Variants in ACP5 observed in about 807,000 individuals in gnomAD.
The protein encoded by ACP5 is acid phosphatase 5, tartrate resistant, also known as tartrate-resistant acid phosphatase type 5.
ACP5 carries 24 observed loss-of-function variants against 28.7 expected under a neutral mutation model. That is an observed-to-expected ratio of 0.84 (90% CI 0.61 to 1.18). The LOEUF (loss-of-function observed/expected upper bound fraction) is 1.18, where lower values mean the gene tolerates loss of function less well. Ranked by LOEUF, ACP5 falls within the 50% of genes most tolerant of loss-of-function variation. ACP5 has a pLI of 0.00. For missense variants in ACP5, 354 were observed against 422.2 expected, an observed-to-expected ratio of 0.84 and a Z score of 1.42; for synonymous variants, 154 against 181.4, an observed-to-expected ratio of 0.85 and a Z score of 1.21.
At position 11,576,228 on chromosome 19, in the gene ACP5, C is replaced by T. The variant is rs1230288363; in HGVS notation, c.735+15G>A. ...CCCCCTCACCCAGCTCCCACCCCACCCACAGGGCCCTCACCTGCAGATTGT... is the reference window on the plus strand; with the variant it reads ...CCCCCTCACCCAGCTCCCACCCCACTCACAGGGCCCTCACCTGCAGATTGT... On this transcript the variant is annotated intron_variant, in intron 4 of 4. Transcript: ENST00000648477. 5.6e-6 allele frequency: 9 copies of T among 1,601,232 alleles called. No individual in the cohort carries two copies. Among genetic ancestry groups the T allele is most frequent in the Non-Finnish European group, 7.6e-6 (9 of 1,179,422 alleles).
chr19:11,576,006 C>CAAAAAAAAAAA (rs3035420), intron 4 of ACP5, among the ~76,000 whole-genome samples: 24 of 52,814 alleles, frequency 4.5e-4, no homozygotes, highest in African/African-American at 8.3e-4. Context: ...ACCTTGTCTC[C>CAAAAAAAAAAA]AAAAAAAAAA....
At chr19:11,575,357 T>C in intron 4 of ACP5, 105 bp from the exon 5 acceptor site, 2 of 1,386,236 alleles carry the variant, frequency 1.4e-6, no homozygotes, top group Non-Finnish European at 2.0e-6. Context: ...CCTTGAGGTA[T>C]GTAACCCCTC....
chr19:11,577,794 TG>T (rs1973230124), upstream of ACP5: 1 of 213,810 alleles, frequency 4.7e-6, no homozygotes, highest in East Asian at 1.1e-4. This position sits in a 1 kb window ranked among gnomAD's most constrained non-coding sequence, Gnocchi z 5.7. Flanking sequence ...GACACGGGAT[TG>T]GGGTGGGGGT....
At position 11,577,504 on chromosome 19, in the gene ACP5, G is replaced by T; in HGVS notation, c.-1+89C>A. ...GCTGCACAAGCTGGCTTAGGGAAGGGGGGCGCGGTCTGTGAGAGGGCGAGC... is the reference window on the plus strand; with the variant it reads ...GCTGCACAAGCTGGCTTAGGGAAGGTGGGCGCGGTCTGTGAGAGGGCGAGC... On this transcript the variant is annotated intron_variant, in intron 1 of 4. Transcript: ENST00000648477. This position sits in a 1 kb window ranked among gnomAD's most constrained non-coding sequence, Gnocchi z 5.7. 1 of 700,196 alleles carries T rather than the reference G, an allele frequency of 1.4e-6. No homozygotes were observed. 43.4% of individuals were successfully genotyped at this position (700,196 alleles called of 1,614,324 possible).
chr19:11,575,079 A>G lies in ACP5; in HGVS notation c.909T>C (p.Thr303=), dbSNP rs2145081214. The G allele has an allele frequency of 6.2e-7, 1 of 1,614,182 alleles. No individual in the cohort carries two copies. Among genetic ancestry groups the G allele is most frequent in the South Asian group, 1.1e-5 (1 of 91,090 alleles). ...AYVEISSKEM[T]VTYIEASGKS... ...TGCCCGAGGCCTCGATGTAAGTGAC[A>G]GTCATCTCTTTGGAGCTGATCTCCA... Residue 303 remains threonine, a synonymous_variant, in exon 5 of 5, where the codon ACT becomes ACC. Coordinates refer to ENST00000648477, the MANE Select transcript of ACP5 (RefSeq NM_001611.5).
In ACP5 at chr19:11,577,606, C is replaced by A. The variant is rs1396030389; in HGVS notation, c.-14G>T. 8 of 533,682 alleles carry A rather than the reference C, an allele frequency of 1.5e-5. No individual in the cohort carries two copies. Among genetic ancestry groups the A allele is most frequent in the Non-Finnish European group, 2.7e-5 (8 of 294,226 alleles). 33.1% of individuals were successfully genotyped at this position (533,682 alleles called of 1,614,324 possible). A position where few individuals can be genotyped will look rare whatever the true frequency, so the allele number is the denominator to read the frequency against. ...CCCAGCACTCACCCAGGGGGAGACA[C>A]AGGCCAGTCACCGGAGGCTCTGAGA... On this transcript the variant is annotated 5_prime_UTR_variant, in exon 1 of 5. Transcript: ENST00000648477. This position sits in a 1 kb window ranked among gnomAD's most constrained non-coding sequence, Gnocchi z 5.7.
chr19:11,577,479 G>A lies in ACP5; in HGVS notation c.-1+114C>T, dbSNP rs1973216465. On this transcript the variant is annotated intron_variant, in intron 1 of 4. Transcript: ENST00000648477. This position sits in a 1 kb window ranked among gnomAD's most constrained non-coding sequence, Gnocchi z 5.7. ...TCTCAGGACACACAAGCTGCACAAG[G>A]CTGCACAAGCTGGCTTAGGGAAGGG... 3 of 815,552 alleles carry A rather than the reference G, an allele frequency of 3.7e-6. No homozygotes were observed. The highest frequency in any genetic ancestry group is 1.5e-5 in the South Asian group (1 of 64,938). 50.5% of individuals were successfully genotyped at this position (815,552 alleles called of 1,614,324 possible).
Position 11,576,858 on chromosome 19 carries a change from T to C in ACP5, c.262-15A>G, listed in dbSNP as rs200250079. On this transcript the variant is annotated splice_polypyrimidine_tract_variant and intron_variant, in intron 2 of 4. Coordinates refer to ENST00000648477, the MANE Select transcript of ACP5 (RefSeq NM_001611.5). ...TCAAAGGTCTCCTGTAGCAAACAGA[T>C]AGGGCAGGCCTCTTCCCTGGGGTCA... 1.5e-5 allele frequency: 25 copies of C among 1,613,816 alleles called. No homozygotes were observed. The highest frequency in any genetic ancestry group is 1.9e-5 in the Non-Finnish European group (22 of 1,179,984).
chr19:11,574,909 G>T lies in ACP5; in HGVS notation c.*101C>A. 1.4e-6 allele frequency: 2 copies of T among 1,394,406 alleles called. No individual in the cohort carries two copies. Among genetic ancestry groups the T allele is most frequent in the Non-Finnish European group, 2.0e-6 (2 of 989,456 alleles). 86.4% of individuals were successfully genotyped at this position (1,394,406 alleles called of 1,614,324 possible). ...TTTCCCCTTCCTGCCCTGCTGCAGC[G>T]CCACAGGTTGGAGGAAAAGCCTGCC... On this transcript the variant is annotated 3_prime_UTR_variant, in exon 5 of 5. Coordinates refer to ENST00000648477, the MANE Select transcript of ACP5 (RefSeq NM_001611.5).
At position 11,576,299 on chromosome 19, in the gene ACP5, G is replaced by T. The variant is rs1234120250; in HGVS notation, c.679C>A (p.Leu227Met). The T allele has an allele frequency of 6.2e-7, 1 of 1,611,156 alleles. No individual in the cohort carries two copies. Among genetic ancestry groups the T allele is most frequent in the Non-Finnish European group, 8.5e-7 (1 of 1,179,980 alleles). The part of the protein sequence containing the change: ...THCLVKQLRP[L>M]LATYGVTAYL... The stretch of plus-strand genomic sequence containing the variant: ...GCAGTGACCCCGTATGTGGCCAGCA[G>T]TGGCCGTAGCTGCTTGACCAGGCAG... Residue 227 changes from leucine (L) to methionine (M), a missense_variant, in exon 4 of 5, where the codon CTG becomes ATG. Physicochemically the swap from Leu to Met is conservative, Grantham distance 15. Transcript: ENST00000648477.
Position 11,575,139 on chromosome 19 carries a change from A to T in ACP5, c.849T>A (p.Tyr283Ter), listed in dbSNP as rs1279125806. 2 of 1,614,186 alleles carry T rather than the reference A, an allele frequency of 1.2e-6. No individual in the cohort carries two copies. The highest frequency in any genetic ancestry group is 2.2e-5 in the South Asian group (2 of 91,088). Residue 283 changes from tyrosine to a stop codon, truncating the protein, a stop_gained, in exon 5 of 5, where the codon TAT (tyrosine) becomes TAA (stop). Transcript: ENST00000648477. LOFTEE classifies it high-confidence loss of function. ...KVPNGYLRFH[Y>*]GTEDSLGGFA... The stretch of plus-strand genomic sequence containing the variant: ...AGCCACCCAGTGAGTCTTCAGTCCC[A>T]TAGTGGAAGCGCAGATAGCCGTTGG...
At chr19:11,575,282 G>T in intron 4 of ACP5, 30 bp from the exon 5 acceptor site, 1 of 1,612,846 alleles carries the variant, frequency 6.2e-7, no homozygotes, top group Non-Finnish European at 8.5e-7. Context: ...GGTCAGTGGA[G>T]ACCCAGCTTT....
chr19:11,577,084 C>T lies in ACP5; in HGVS notation c.234G>A (p.Val78=). 1 of 1,614,138 alleles carries T rather than the reference C, an allele frequency of 6.2e-7. No individual in the cohort carries two copies. The highest frequency in any genetic ancestry group is 8.5e-7 in the Non-Finnish European group (1 of 1,180,008). Residue 78 remains valine (V), a synonymous_variant, in exon 2 of 5, where the codon GTG becomes GTA. Transcript: ENST00000648477. The surrounding 1 kb of genome is among the most constrained non-coding windows in gnomAD (Gnocchi z 5.7). ...SLGDNFYFTG[V]QDINDKRFQE... ...GGAACCTCTTGTCATTGATGTCTTG[C>T]ACACCAGTGAAGTAAAAATTGTCCC...
rs1973215114 is a variant in ACP5, at chr19:11,577,447, C to T, written c.1-130G>A. On this transcript the variant is annotated intron_variant, in intron 1 of 4. Transcript: ENST00000648477. This position sits in a 1 kb window ranked among gnomAD's most constrained non-coding sequence, Gnocchi z 5.7. The stretch of plus-strand genomic sequence containing the variant: ...CTGCCCCTGCGGGAACCCCTTGGTG[C>T]CCTAATTCTCAGGACACACAAGCTG... The T allele has an allele frequency of 9.5e-7, 1 of 1,058,148 alleles. No homozygotes were observed. 65.5% of individuals were successfully genotyped at this position (1,058,148 alleles called of 1,614,324 possible).
At position 11,574,850 on chromosome 19, in the gene ACP5, A is replaced by G; in HGVS notation, c.*160T>C. On this transcript the variant is annotated 3_prime_UTR_variant, in exon 5 of 5. Transcript: ENST00000648477. ...TCACATACGTGGGCATCTGTGCCAC[A>G]AGGGTCATGTGGCACCACAGTTCAT... 6 of 762,880 alleles carry G rather than the reference A, an allele frequency of 7.9e-6. No homozygotes were observed. The highest frequency in any genetic ancestry group is 1.3e-5 in the Non-Finnish European group (6 of 459,360). The allele number at this position is 762,880 out of a possible 1,614,324, so 47.3% of individuals were successfully genotyped here.
chr19:11,577,344 G>A lies in ACP5; in HGVS notation c.1-27C>T, dbSNP rs1973209680. On this transcript the variant is annotated intron_variant, in intron 1 of 4. Coordinates refer to ENST00000648477, the MANE Select transcript of ACP5 (RefSeq NM_001611.5). This position sits in a 1 kb window ranked among gnomAD's most constrained non-coding sequence, Gnocchi z 5.7. ...TGGGAGAAGAGAGACAAGCATAGGTGGCCCGGGCTGTGACAAGGGCAGGGA... is the reference window on the plus strand; with the variant it reads ...TGGGAGAAGAGAGACAAGCATAGGTAGCCCGGGCTGTGACAAGGGCAGGGA... 2.5e-6 allele frequency: 4 copies of A among 1,609,368 alleles called. No individual in the cohort carries two copies. The South Asian group carries it at 4.4e-5, about 18-fold the overall frequency.
Position 11,576,433 on chromosome 19 carries a change from C to T in ACP5, c.545G>A (p.Arg182His), listed in dbSNP as rs778805198. The change falls in exon 4 of 5, where the codon CGC becomes CAC. Residue 182 changes from arginine (R) to histidine (H), a missense_variant. Arg to His is a conservative substitution (Grantham distance 29, BLOSUM62 0). Coordinates refer to ENST00000648477, the MANE Select transcript of ACP5 (RefSeq NM_001611.5). Reference protein sequence around the residue: ...PERPRDVKLARTQLSWLKKQL... With the variant: ...PERPRDVKLAHTQLSWLKKQL... ...TTTCTTGAGCCAGGACAGCTGTGTGCGGGCCAGCTTCACGTCTCGGGGCCT... is the reference window on the plus strand; with the variant it reads ...TTTCTTGAGCCAGGACAGCTGTGTGTGGGCCAGCTTCACGTCTCGGGGCCT... The T allele has an allele frequency of 4.0e-5, 65 of 1,613,840 alleles. No homozygotes were observed. Among genetic ancestry groups the T allele is most frequent in the Non-Finnish European group, 4.8e-5 (57 of 1,179,986 alleles).
rs775336126 is a variant in ACP5 at position 11,576,367 on chromosome 19, C to T, written c.611G>A (p.Gly204Asp). 1.9e-6 allele frequency: 3 copies of T among 1,609,914 alleles called. No individual in the cohort carries two copies. The highest frequency in any genetic ancestry group is 1.7e-5 in the Admixed American group (1 of 59,914). Reference sequence around the variant, plus strand: ...GGCTATGGACCACACGGGGTAGTGGCCAGCCACCAGCACGTAGTCCTCCCT... The same window carrying T: ...GGCTATGGACCACACGGGGTAGTGGTCAGCCACCAGCACGTAGTCCTCCCT... ...AAREDYVLVA[G>D]HYPVWSIAEH... The change falls in exon 4 of 5, where the codon GGC (glycine) becomes GAC (aspartate). Residue 204 changes from glycine (G) to aspartate (D), a missense_variant. Gly to Asp is a moderately conservative substitution (Grantham distance 94). Coordinates refer to ENST00000648477, the MANE Select transcript of ACP5 (RefSeq NM_001611.5).
chr19:11,575,519 T>C lies in ACP5; in HGVS notation c.736-267A>G, dbSNP rs141095821. On this transcript the variant is annotated intron_variant, in intron 4 of 4. Coordinates refer to ENST00000648477, the MANE Select transcript of ACP5 (RefSeq NM_001611.5). ...GGGTGGATTGCTTGAGCCCAGGAAT[T>C]TGAGACCAGCCTGGGCAACATAGTG... The C allele has an allele frequency of 3.9e-3, 1,838 of 469,858 alleles. 37 individuals are homozygous for C. Among genetic ancestry groups the C allele is most frequent in the African/African-American group, 0.031 (1,543 of 50,464 alleles). The allele number at this position is 469,858 out of a possible 1,614,324, so 29.1% of individuals were successfully genotyped here. A position where few individuals can be genotyped will look rare whatever the true frequency, so the allele number is the denominator to read the frequency against.
Sources: gnomAD v4.1 joint callset for allele counts (sites outside exome capture counted in the v4.1 genomes callset) on GRCh38, gnomAD v4.1.1 for gene constraint, Gnocchi (gnomAD v3.1) non-coding constraint, MANE v1.5 for transcripts, NCBI Gene and HGNC (gene_info 2026-07-23, HGNC 2026-07-21) for gene names.